Variants in KRIT1 observed in about 807,000 individuals in gnomAD.
KRIT1 encodes krev interaction trapped protein 1.
A neutral mutation model predicts 95.8 loss-of-function variants in KRIT1; 45 were observed. The ratio of observed to expected loss-of-function variants is 0.47; its 90% CI spans 0.37 to 0.60. The LOEUF (loss-of-function observed/expected upper bound fraction) is 0.60, where lower values mean the gene tolerates loss of function less well. Among genes scored for constraint, KRIT1 ranks in the 20% least tolerant of loss-of-function variants. The probability of loss-of-function intolerance (pLI) is 0.00; values close to 1 mark genes in which losing one functional copy is unlikely to be tolerated. For synonymous variants in KRIT1, 282 were observed against 278.8 expected (o/e 1.01, Z -0.11); for missense variants, 788 against 877.5 (o/e 0.90, Z 1.29).
chr7:92,200,040 T>C lies in KRIT1; in HGVS notation c.*696A>G, dbSNP rs1183629742. The C allele has an allele frequency of 6.5e-6, 1 of 152,682 alleles. No individual in the cohort carries two copies. Among genetic ancestry groups the C allele is most frequent in the Non-Finnish European group, 1.5e-5 (1 of 68,056 alleles). 9.5% of individuals were successfully genotyped at this position (152,682 alleles called of 1,614,324 possible). ...TCAAGTAGAAAATACATTTTCTTTA[T>C]TCAAATCATGTTGACGTTCAGTATA... On this transcript the variant is annotated 3_prime_UTR_variant, in exon 19 of 19. Coordinates refer to ENST00000394505, the MANE Select transcript of KRIT1 (RefSeq NM_194454.3).
At chr7:92,229,756 A>G (rs1796908110) in intron 10 of KRIT1, among the ~76,000 whole-genome samples, 1 of 152,002 alleles carries the variant, frequency 6.6e-6, no homozygotes. Flanking sequence ...ACCTAATTCC[A>G]TCCTTGTTTA....
intron 10 of KRIT1, among the ~76,000 whole-genome samples, chr7:92,229,182 G>T (rs1304728848): frequency 1.3e-5 from 2 of 152,152 alleles, no homozygotes; most frequent in Non-Finnish European, 2.9e-5. Context: ...TTTCACAATG[G>T]TTGAACTAAT....
chr7:92,224,149 C>T (rs192909723), intron 12 of KRIT1, among the ~76,000 whole-genome samples: 10 of 152,192 alleles, frequency 6.6e-5, no homozygotes, highest in African/African-American at 2.2e-4. Context: ...ATTTTCAGCA[C>T]TTTGTCATGT....
In KRIT1 at chr7:92,205,221, C is replaced by T. The variant is rs368874857; in HGVS notation, c.2026-3798G>A. On this transcript the variant is annotated intron_variant, in intron 17 of 18. Coordinates refer to ENST00000394505, the MANE Select transcript of KRIT1 (RefSeq NM_194454.3). ...ATCAGCCAGGTGTGGTGGCACATGC[C>T]TATAATCCCATCTAGTTGGGAGGCT... is the stretch of plus-strand genomic sequence containing the variant. Among the ~76,000 whole-genome samples the T allele has an allele frequency of 2.6e-5, 4 of 152,172 alleles. 1 individual carries two copies.
At chr7:92,212,097 C>G (rs779155981) in intron 17 of KRIT1, among the ~76,000 whole-genome samples, 1 of 151,736 alleles carries the variant, frequency 6.6e-6, no homozygotes, top group African/African-American at 2.4e-5. Flanking sequence ...AGAGTGAGAC[C>G]CTGTCTCAAA....
intron 17 of KRIT1, among the ~76,000 whole-genome samples, chr7:92,209,844 C>A (rs953791175): frequency 5.9e-5 from 9 of 152,044 alleles, no homozygotes; most frequent in Non-Finnish European, 1.0e-4. Context: ...GGGTGGATCA[C>A]CTGAGGTCAG....
intron 12 of KRIT1, among the ~76,000 whole-genome samples, chr7:92,225,449 A>T (rs1796018439): frequency 6.6e-6 from 1 of 152,088 alleles, no homozygotes; most frequent in Non-Finnish European, 1.5e-5. Context: ...CTGGGACTAC[A>T]GGTGCACGCC....
chr7:92,222,687 A>C lies in KRIT1; in HGVS notation c.1411+135T>G, dbSNP rs1795372081. Reference sequence around the variant, plus strand: ...TGTTTCAGCAGTTTGAACACTAGTAATTTATATAAAAGAGAAGAACATTGT... The same window carrying C: ...TGTTTCAGCAGTTTGAACACTAGTACTTTATATAAAAGAGAAGAACATTGT... On this transcript the variant is annotated intron_variant, in intron 13 of 18. Coordinates refer to ENST00000394505, the MANE Select transcript of KRIT1 (RefSeq NM_194454.3). 8 of 657,646 alleles carry C rather than the reference A, an allele frequency of 1.2e-5. No individual in the cohort carries two copies. The Admixed American group carries it at 1.8e-4, about 15-fold the overall frequency. The allele number at this position is 657,646 out of a possible 1,614,324, so 40.7% of individuals were successfully genotyped here. A position where few individuals can be genotyped will look rare whatever the true frequency, so the allele number is the denominator to read the frequency against.
At chr7:92,218,869 T>A (rs1794541654) in intron 14 of KRIT1, among the ~76,000 whole-genome samples, 1 of 152,222 alleles carries the variant, frequency 6.6e-6, no homozygotes, top group South Asian at 2.1e-4. Context: ...AATATTTCTT[T>A]TGTTGTTCAT....
At chr7:92,220,688 C>CTTTTTTTTTTTTTT (rs960417752) in intron 14 of KRIT1, among the ~76,000 whole-genome samples, 1 of 98,958 alleles carries the variant, frequency 1.0e-5, no homozygotes, top group Non-Finnish European at 1.9e-5. Flanking sequence ...ATTCATCCTT[C>CTTTTTTTTTTTTTT]TTTTTTTTTT....
intron 10 of KRIT1, among the ~76,000 whole-genome samples, chr7:92,228,726 C>T (rs1341427610): frequency 7.2e-5 from 11 of 152,070 alleles, no homozygotes; most frequent in African/African-American, 2.7e-4. Flanking sequence ...ATTTTTTCCG[C>T]TCCTCTCCCT....
chr7:92,237,489 GTA>G (rs1158376033), intron 6 of KRIT1, among the ~76,000 whole-genome samples, 176 bp downstream of exon 6: 19 of 151,974 alleles, frequency 1.3e-4, no homozygotes, highest in Non-Finnish European at 2.8e-4. Context: ...CAAGAAGCCT[GTA>G]TATTATTTTG....
At chr7:92,229,942 TC>T (rs1032813158) in intron 10 of KRIT1, among the ~76,000 whole-genome samples, 22 of 152,112 alleles carry the variant, frequency 1.4e-4, no homozygotes, top group Admixed American at 4.6e-4. Context: ...TGTAAAATCA[TC>T]TCACTGAAAA....
intron 7 of KRIT1, 37 bp downstream of exon 7, chr7:92,236,376 T>C (rs756758928): frequency 4.3e-6 from 6 of 1,411,274 alleles, no homozygotes; most frequent in Non-Finnish European, 6.0e-6. Flanking sequence ...AACATGTATT[T>C]GATTAATTAA....
At position 92,213,215 on chromosome 7, in the gene KRIT1, G is replaced by A; in HGVS notation, c.2005C>T (p.Leu669Phe). 6.2e-7 allele frequency: 1 copy of A among 1,611,272 alleles called. No individual in the cohort carries two copies. The highest frequency in any genetic ancestry group is 1.1e-5 in the South Asian group (1 of 91,024). ...TCTACCTTAGTTTCCATGTTGAGGAGATGAAGTCCTTTTATATTCACTCCT... is the reference window on the plus strand; with the variant it reads ...TCTACCTTAGTTTCCATGTTGAGGAAATGAAGTCCTTTTATATTCACTCCT... ...YVGVNIKGLHLLNMETKALLI... is the reference protein window; with the variant it reads ...YVGVNIKGLHFLNMETKALLI... The change falls in exon 17 of 19, where the codon CTC becomes TTC. Residue 669 changes from leucine to phenylalanine, a missense_variant. Physicochemically the swap from Leu to Phe is conservative, Grantham distance 22. This residue lies in a region of KRIT1 where 493 missense variants were observed against 582.3 expected (regional missense o/e 0.85). Transcript: ENST00000394505.
At position 92,226,574 on chromosome 7, in the gene KRIT1, T is replaced by C. The variant is rs747104941; in HGVS notation, c.1098A>G (p.Gly366=). The C allele has an allele frequency of 1.2e-5, 19 of 1,613,194 alleles. No homozygotes were observed. The highest frequency in any genetic ancestry group is 1.6e-5 in the Non-Finnish European group (19 of 1,179,258). ...SSPLHFAAGG[G]HAEIVQILLN... Reference sequence around the variant, plus strand: ...GGAGAATCTGTACTATTTCAGCATGTCCTCCTCCAGCAGCAAAATGAAGAG... The same window carrying C: ...GGAGAATCTGTACTATTTCAGCATGCCCTCCTCCAGCAGCAAAATGAAGAG... Residue 366 remains glycine, a synonymous_variant, in exon 11 of 19, where the codon GGA becomes GGG. Transcript: ENST00000394505.
In KRIT1 at chr7:92,201,414, T is replaced by C; in HGVS notation, c.2035A>G (p.Ile679Val). 1 of 1,505,628 alleles carries C rather than the reference T, an allele frequency of 6.6e-7. No homozygotes were observed. Among genetic ancestry groups the C allele is most frequent in the South Asian group, 1.1e-5 (1 of 88,902 alleles). 93.3% of individuals were successfully genotyped at this position (1,505,628 alleles called of 1,614,324 possible). A position where few individuals can be genotyped will look rare whatever the true frequency, so the allele number is the denominator to read the frequency against. ...LLNMETKALL[I>V]SLKYGCFMWQ... ...ATAAAACAACCATACTTAAGACTGA[T>C]GAGTAAAGCCTGCAACATAATTGGA... Residue 679 changes from isoleucine (I) to valine (V), a missense_variant, in exon 18 of 19, where the codon ATC becomes GTC. Around this residue, in one of 3 missense-constraint regions of KRIT1, gnomAD observed 493 missense variants for 582.3 expected, o/e 0.85. Coordinates refer to ENST00000394505, the MANE Select transcript of KRIT1 (RefSeq NM_194454.3).
intron 8 of KRIT1, among the ~76,000 whole-genome samples, chr7:92,235,175 T>C (rs1418996265): frequency 6.6e-6 from 1 of 152,098 alleles, no homozygotes; most frequent in Non-Finnish European, 1.5e-5. Context: ...AATTTTTGTA[T>C]TTTTAGTAGA....
rs2131074913 is a variant in KRIT1, at chr7:92,200,566, T to G, written c.*170A>C. ...CAGGGTTTCACCATGTTGGCCAGGC[T>G]GGTCTTGAACTCTGACTTCAGGTGA... On this transcript the variant is annotated 3_prime_UTR_variant, in exon 19 of 19. Transcript: ENST00000394505. 3.2e-6 allele frequency: 2 copies of G among 630,664 alleles called. No individual in the cohort carries two copies. The highest frequency in any genetic ancestry group is 5.9e-5 in the East Asian group (2 of 33,878). The allele number at this position is 630,664 out of a possible 1,614,324, so 39.1% of individuals were successfully genotyped here. A position where few individuals can be genotyped will look rare whatever the true frequency, so the allele number is the denominator to read the frequency against.
Sources: gnomAD v4.1 joint callset for allele counts (sites outside exome capture counted in the v4.1 genomes callset) on GRCh38, gnomAD v4.1.1 for gene constraint, gnomAD v4.1.1 regional missense constraint, MANE v1.5 for transcripts, NCBI Gene and HGNC (gene_info 2026-07-23, HGNC 2026-07-21) for gene names.